SAMD4A: variants seen among roughly 807,000 people sequenced by gnomAD.
SAMD4A encodes the protein protein Smaug homolog 1.
SAMD4A carries 33 observed loss-of-function variants against 81.3 expected under a neutral mutation model. That is an observed-to-expected ratio of 0.41 (90% CI 0.31 to 0.54). The LOEUF (loss-of-function observed/expected upper bound fraction) is 0.54, where lower values mean the gene tolerates loss of function less well. Ranked by LOEUF, SAMD4A falls within the 20% of genes least tolerant of loss-of-function variation. The probability of loss-of-function intolerance (pLI) is 0.37; values close to 1 mark genes in which losing one functional copy is unlikely to be tolerated. For missense variants in SAMD4A, 854 were observed against 951.1 expected, an observed-to-expected ratio of 0.90 and a Z score of 1.34; for synonymous variants, 389 against 382.1, an observed-to-expected ratio of 1.02 and a Z score of -0.21.
At chr14:54,658,804 C>G (rs2140456021) in intron 2 of SAMD4A, among the ~76,000 whole-genome samples, 1 of 152,370 alleles carries the variant, frequency 6.6e-6, no homozygotes, top group Middle Eastern at 3.4e-3. Flanking sequence ...AACGTCCTTA[C>G]TCTTCACCCT....
chr14:54,732,089 T>A (rs986181925), intron 3 of SAMD4A, among the ~76,000 whole-genome samples: 2 of 152,158 alleles, frequency 1.3e-5, no homozygotes, highest in Non-Finnish European at 2.9e-5. Flanking sequence ...AAAGACGGCA[T>A]AAAGCAACAA....
intron 2 of SAMD4A, among the ~76,000 whole-genome samples, chr14:54,644,414 G>C (rs930401327): frequency 6.6e-6 from 1 of 152,158 alleles, no homozygotes; most frequent in African/African-American, 2.4e-5. Flanking sequence ...CACTTGTTAC[G>C]TACCAGGCAC....
At position 54,760,501 on chromosome 14, in the gene SAMD4A, C is replaced by T; in HGVS notation, c.1510+7C>T. On this transcript the variant is annotated splice_region_variant and intron_variant, in intron 7 of 12. Coordinates refer to ENST00000554335, the MANE Select transcript of SAMD4A (RefSeq NM_015589.6). ...ACACGCGTCATGGGGAAAGGTAGAG[C>T]CTCATTCGCCCATTTCTTTTTTCTT... is the stretch of plus-strand genomic sequence containing the variant. 3 of 1,386,438 alleles carry T rather than the reference C, an allele frequency of 2.2e-6. No homozygotes were observed. Among genetic ancestry groups the T allele is most frequent in the Non-Finnish European group, 1.9e-6 (2 of 1,078,438 alleles). The allele number at this position is 1,386,438 out of a possible 1,614,324, so 85.9% of individuals were successfully genotyped here. A position where few individuals can be genotyped will look rare whatever the true frequency, so the allele number is the denominator to read the frequency against.
chr14:54,767,887 C>T (rs776950703), intron 8 of SAMD4A, among the ~76,000 whole-genome samples: 15 of 152,250 alleles, frequency 9.9e-5, no homozygotes, highest in Non-Finnish European at 2.1e-4. Context: ...CACTCTCACT[C>T]AGCACTGCTA....
chr14:54,752,740 G>A (rs1030415044), intron 6 of SAMD4A, among the ~76,000 whole-genome samples: 9 of 152,136 alleles, frequency 5.9e-5, no homozygotes, highest in Non-Finnish European at 1.0e-4. Context: ...CTCAGCATAC[G>A]AAGGACCTGC....
intron 2 of SAMD4A, among the ~76,000 whole-genome samples, chr14:54,654,559 A>G (rs1384926451): frequency 6.6e-6 from 1 of 152,212 alleles, no homozygotes; most frequent in African/African-American, 2.4e-5. Flanking sequence ...CTTGAGAAGT[A>G]AGGATATTAA....
At chr14:54,736,818 C>T (rs2037705978) in intron 3 of SAMD4A, among the ~76,000 whole-genome samples, 1 of 152,132 alleles carries the variant, frequency 6.6e-6, no homozygotes, top group African/African-American at 2.4e-5. Flanking sequence ...TTGGAGAAAC[C>T]TAACCCACTG....
intron 4 of SAMD4A, among the ~76,000 whole-genome samples, chr14:54,742,342 G>A (rs75028898): frequency 6.6e-6 from 1 of 150,946 alleles, no homozygotes; most frequent in African/African-American, 2.4e-5. Flanking sequence ...GAAATAGAAT[G>A]GGGGGGGCAG....
intron 2 of SAMD4A, among the ~76,000 whole-genome samples, chr14:54,625,966 C>G (rs1331803569): frequency 6.6e-6 from 1 of 151,022 alleles, no homozygotes; most frequent in East Asian, 2.0e-4. Flanking sequence ...CTGACCGAGG[C>G]TTGGTGTTGA....
intron 2 of SAMD4A, among the ~76,000 whole-genome samples, chr14:54,619,561 T>G (rs2034567160): frequency 6.6e-6 from 1 of 152,234 alleles, no homozygotes; most frequent in South Asian, 2.1e-4. Context: ...TTTAATTTTT[T>G]AAACTTTTAA....
intron 2 of SAMD4A, among the ~76,000 whole-genome samples, chr14:54,695,139 C>T (rs1327495626): frequency 1.3e-5 from 2 of 152,152 alleles, no homozygotes; most frequent in African/African-American, 2.4e-5. Context: ...TGATCTTTAC[C>T]AAGTAACCAA....
Position 54,792,208 on chromosome 14 carries a change from T to C in SAMD4A, c.*3264T>C, listed in dbSNP as rs1160320784. ...AACGAGAGCCAGCAAGCAAAATAGATGTGGCTGGGTCTGCCTGTCCGGGCG... is the reference window on the plus strand; with the variant it reads ...AACGAGAGCCAGCAAGCAAAATAGACGTGGCTGGGTCTGCCTGTCCGGGCG... On this transcript the variant is annotated 3_prime_UTR_variant, in exon 13 of 13. Transcript: ENST00000554335. 6.6e-6 allele frequency: 1 copy of C among 152,214 alleles called. No individual in the cohort carries two copies. Among genetic ancestry groups the C allele is most frequent in the Non-Finnish European group, 1.5e-5 (1 of 68,034 alleles). 9.4% of individuals were successfully genotyped at this position (152,214 alleles called of 1,614,324 possible). A position where few individuals can be genotyped will look rare whatever the true frequency, so the allele number is the denominator to read the frequency against.
intron 9 of SAMD4A, among the ~76,000 whole-genome samples, chr14:54,772,056 T>A (rs2038720761): frequency 6.6e-6 from 1 of 152,254 alleles, no homozygotes; most frequent in Non-Finnish European, 1.5e-5. Context: ...GGAAAATGTT[T>A]TATACTCATA....
At chr14:54,727,253 G>A (rs575927909) in intron 3 of SAMD4A, among the ~76,000 whole-genome samples, 3 of 121,308 alleles carry the variant, frequency 2.5e-5, no homozygotes, top group East Asian at 2.7e-4. Context: ...GCAGTGGCAC[G>A]ATCTCGGCTT....
intron 2 of SAMD4A, among the ~76,000 whole-genome samples, chr14:54,634,555 C>T (rs11628740): frequency 0.33 from 50,328 of 151,764 alleles, 9,099 homozygotes; most frequent in East Asian, 0.61. Flanking sequence ...ATAGGGTCTG[C>T]GCTTCTATGA....
chr14:54,675,140 T>C (rs370531813), intron 2 of SAMD4A, among the ~76,000 whole-genome samples: 1 of 151,284 alleles, frequency 6.6e-6, no homozygotes, highest in South Asian at 2.1e-4. Context: ...CTGAGGCGGG[T>C]GGATCACCTG....
intron 2 of SAMD4A, among the ~76,000 whole-genome samples, chr14:54,662,454 G>T (rs1461220879): frequency 6.7e-6 from 1 of 148,482 alleles, no homozygotes; most frequent in Non-Finnish European, 1.5e-5. Flanking sequence ...TTGTTGCCCA[G>T]GCTGGAGTGC....
rs1351815010 is a variant in SAMD4A at position 54,752,854 on chromosome 14, CAT to C, written c.1176+1318_1176+1319del. Among the ~76,000 whole-genome samples the C allele has an allele frequency of 3.3e-5, 5 of 152,178 alleles. 1 individual carries two copies. Among genetic ancestry groups the C allele is most frequent in the Admixed American group, 2.6e-4 (4 of 15,288 alleles). ...GGCAGGGTGATGATAAGGAGAAAAA[CAT>C]GTGAGCAATAGAATCTACATCATAA... On this transcript the variant is annotated intron_variant, in intron 6 of 12. Coordinates refer to ENST00000554335, the MANE Select transcript of SAMD4A (RefSeq NM_015589.6).
Position 54,776,449 on chromosome 14 carries a change from C to T in SAMD4A, c.1953C>T (p.Ser651=). The change falls in exon 11 of 13, where the codon AGC becomes AGT. Residue 651 remains serine (S), a synonymous_variant. Transcript: ENST00000554335. ...TTGCCAACCCCGGGGGCAGCAATAGCATGCCAAGCCGCACCCACAGCTCAG... is the reference window on the plus strand; with the variant it reads ...TTGCCAACCCCGGGGGCAGCAATAGTATGCCAAGCCGCACCCACAGCTCAG... ...LWFANPGGSN[S]MPSRTHSSVQ... 1 of 1,594,408 alleles carries T rather than the reference C, an allele frequency of 6.3e-7. No individual in the cohort carries two copies. Among genetic ancestry groups the T allele is most frequent in the Non-Finnish European group, 8.5e-7 (1 of 1,171,418 alleles).
Sources: gnomAD v4.1 joint callset for allele counts (sites outside exome capture counted in the v4.1 genomes callset) on GRCh38, gnomAD v4.1.1 for gene constraint, MANE v1.5 for transcripts, NCBI Gene and HGNC (gene_info 2026-07-23, HGNC 2026-07-21) for gene names.